Variants in EFCAB5 observed in about 807,000 individuals in gnomAD.
The protein encoded by EFCAB5 is EF-hand calcium-binding domain-containing protein 5.
A neutral mutation model predicts 167.9 loss-of-function variants in EFCAB5; 131 were observed. That is an observed-to-expected ratio of 0.78 (90% CI 0.68 to 0.90). EFCAB5 has a LOEUF of 0.90. Among genes scored for constraint, EFCAB5 ranks in the 40% least tolerant of loss-of-function variants. EFCAB5 has a pLI of 0.00. For synonymous variants in EFCAB5, 574 were observed against 602.8 expected (o/e 0.95, Z 0.70); for missense variants, 1,663 against 1,745.2 (o/e 0.95, Z 0.84).
intron 20 of EFCAB5, among the ~76,000 whole-genome samples, chr17:30,091,620 G>T (rs1281787262): frequency 6.6e-6 from 1 of 152,136 alleles, no homozygotes; most frequent in Non-Finnish European, 1.5e-5. Context: ...TCAAACCAGG[G>T]TCTAACTCTA....
intron 7 of EFCAB5, among the ~76,000 whole-genome samples, chr17:30,002,707 T>A (rs1047911322): frequency 6.6e-6 from 1 of 152,188 alleles, no homozygotes; most frequent in Non-Finnish European, 1.5e-5. Flanking sequence ...TTATGCACTC[T>A]ATTTAGAGAA....
chr17:29,941,160 T>A (rs1861571537), upstream of EFCAB5, among the ~76,000 whole-genome samples: 1 of 152,220 alleles, frequency 6.6e-6, no homozygotes, highest in African/African-American at 2.4e-5. Context: ...ATTTACTCTT[T>A]ACACAACACC....
At chr17:30,022,972 T>C (rs1333060121) in intron 7 of EFCAB5, among the ~76,000 whole-genome samples, 4 of 152,008 alleles carry the variant, frequency 2.6e-5, no homozygotes, top group African/African-American at 9.7e-5. Flanking sequence ...AAGATGTTCT[T>C]TGAAACCAAC....
At chr17:29,996,271 G>T in intron 5 of EFCAB5, 41 bp from the exon 6 acceptor site, 1 of 1,474,234 alleles carries the variant, frequency 6.8e-7, no homozygotes, top group South Asian at 1.2e-5. Flanking sequence ...ACTGAGGAGT[G>T]GCATATGGTT....
intron 4 of EFCAB5, among the ~76,000 whole-genome samples, chr17:29,987,970 T>G (rs1458086852): frequency 6.6e-6 from 1 of 152,160 alleles, no homozygotes; most frequent in East Asian, 1.9e-4. Context: ...CAAAGAGAAT[T>G]AGGTTCCAAT....
chr17:30,080,262 T>C lies in EFCAB5; in HGVS notation c.3197+21T>C, dbSNP rs1336704099. 8 of 1,537,894 alleles carry C rather than the reference T, an allele frequency of 5.2e-6. No homozygotes were observed. In the African/African-American group the frequency reaches 8.4e-5, roughly 16 times the overall value. ...ATCAGGTAAGAACTTCTTGAAGAGA[T>C]TGGTTTCACCCTCCTAAAAAAATAA... On this transcript the variant is annotated intron_variant, in intron 16 of 22. Coordinates refer to ENST00000394835, the MANE Select transcript of EFCAB5 (RefSeq NM_198529.4).
intron 14 of EFCAB5, 54 bp from the exon 15 acceptor site, chr17:30,078,161 C>A: frequency 6.6e-7 from 1 of 1,525,982 alleles, no homozygotes. Context: ...AAAATCCCCC[C>A]CACCAATGAG....
At chr17:30,090,335 C>T (rs1240769733) in intron 19 of EFCAB5, 86 bp from the exon 20 acceptor site, 2 of 1,510,376 alleles carry the variant, frequency 1.3e-6, no homozygotes, top group African/African-American at 2.8e-5. Flanking sequence ...GAGGTAGGCA[C>T]AAGAGAGTAA....
At chr17:30,003,288 T>G (rs1374464044) in intron 7 of EFCAB5, among the ~76,000 whole-genome samples, 1 of 152,084 alleles carries the variant, frequency 6.6e-6, no homozygotes, top group African/African-American at 2.4e-5. Flanking sequence ...CAGGCTGGAG[T>G]GCAGTGGCAT....
At position 30,090,456 on chromosome 17, in the gene EFCAB5, T is replaced by C. The variant is rs753625271; in HGVS notation, c.3719T>C (p.Val1240Ala). ...TTTAAATGTACTGACAGTTCAGAAG[T>C]TGTTCTGGCTTCTGCCTGTGGAGAA... ...FLFKCTDSSEVVLASACGETH... is the reference protein window; with the variant it reads ...FLFKCTDSSEAVLASACGETH... Residue 1240 changes from valine to alanine, a missense_variant, in exon 20 of 23, where the codon GTT (valine) becomes GCT (alanine). By Grantham distance (64) the Val-to-Ala change is moderately conservative (BLOSUM62 0). Coordinates refer to ENST00000394835, the MANE Select transcript of EFCAB5 (RefSeq NM_198529.4). The C allele has an allele frequency of 2.5e-6, 4 of 1,613,980 alleles. No individual in the cohort carries two copies. The South Asian group carries it at 4.4e-5, about 18-fold the overall frequency.
At chr17:29,945,730 A>T (rs369075839) in intron 3 of EFCAB5, among the ~76,000 whole-genome samples, 1 of 152,132 alleles carries the variant, frequency 6.6e-6, no homozygotes, top group East Asian at 1.9e-4. Context: ...AGAAACATAA[A>T]CTGGGGAAAG....
chr17:30,094,507 C>CAAAAA (rs57885339), intron 22 of EFCAB5, among the ~76,000 whole-genome samples: 8 of 40,704 alleles, frequency 2.0e-4, no homozygotes, highest in Non-Finnish European at 3.4e-4. Context: ...CTTGTCTCTC[C>CAAAAA]AAAAAAAAAA....
At position 30,057,747 on chromosome 17, in the gene EFCAB5, T is replaced by G; in HGVS notation, c.2437T>G (p.Ser813Ala). 1 of 1,613,868 alleles carries G rather than the reference T, an allele frequency of 6.2e-7. No homozygotes were observed. The highest frequency in any genetic ancestry group is 1.1e-5 in the South Asian group (1 of 91,078). The change falls in exon 13 of 23, where the codon TCA (serine) becomes GCA (alanine). Residue 813 changes from serine (S) to alanine (A), a missense_variant. Physicochemically the swap from Ser to Ala is moderately conservative, Grantham distance 99. Coordinates refer to ENST00000394835, the MANE Select transcript of EFCAB5 (RefSeq NM_198529.4). ...VKGRTAFNGVSFNLLQFVQLL... is the reference protein window; with the variant it reads ...VKGRTAFNGVAFNLLQFVQLL... ...AGGCAGAACTGCCTTCAATGGAGTT[T>G]CATTCAATCTGCTCCAGTTTGTGCA...
At chr17:29,977,125 T>C (rs1029150696) in intron 4 of EFCAB5, among the ~76,000 whole-genome samples, 9 of 152,180 alleles carry the variant, frequency 5.9e-5, no homozygotes, top group Non-Finnish European at 1.2e-4. Context: ...TTGTAAAAAG[T>C]ATCTTTTCCC....
At chr17:30,068,988 G>A in intron 14 of EFCAB5, 1 of 1,455,922 alleles carries the variant, frequency 6.9e-7, no homozygotes, top group Non-Finnish European at 9.6e-7. Flanking sequence ...AAGCTCACAA[G>A]GAGATACATT....
rs1447910650 is a variant in EFCAB5, at chr17:30,030,412, C to T, written c.1045-3818C>T. On this transcript the variant is annotated intron_variant, in intron 7 of 22. Coordinates refer to ENST00000394835, the MANE Select transcript of EFCAB5 (RefSeq NM_198529.4). ...AGGCTGGAGTGAGATGGTGCAATCT[C>T]GGCTCATTGCAACCTCTGCCTCCCG... is the stretch of plus-strand genomic sequence containing the variant. 5.9e-5 allele frequency among the ~76,000 whole-genome samples: 9 copies of T among 152,306 alleles called. No individual in the cohort carries two copies. In the South Asian group the frequency reaches 8.3e-4, roughly 14 times the overall value.
At chr17:30,054,237 A>AT (rs1365256946) in intron 10 of EFCAB5, 89 bp downstream of exon 10, 23 of 1,442,196 alleles carry the variant, frequency 1.6e-5, no homozygotes, top group East Asian at 2.5e-5. Context: ...TTAAGTTAGA[A>AT]TTTTTTTTCT....
chr17:30,040,899 C>T (rs879457350), intron 8 of EFCAB5, among the ~76,000 whole-genome samples: 3 of 152,142 alleles, frequency 2.0e-5, no homozygotes, highest in Admixed American at 2.0e-4. Context: ...AATGTTTTTG[C>T]TTCCTTAAAC....
chr17:29,941,059 A>G (rs1357345701), upstream of EFCAB5, among the ~76,000 whole-genome samples: 1 of 152,050 alleles, frequency 6.6e-6, no homozygotes, highest in Non-Finnish European at 1.5e-5. Context: ...GAAAAGAAAG[A>G]AAAGTGAATA....
Sources: gnomAD v4.1 joint callset for allele counts (sites outside exome capture counted in the v4.1 genomes callset) on GRCh38, gnomAD v4.1.1 for gene constraint, MANE v1.5 for transcripts, NCBI Gene and HGNC (gene_info 2026-07-23, HGNC 2026-07-21) for gene names.